Variants in TMEM178B observed in about 807,000 individuals in gnomAD.
TMEM178B encodes transmembrane protein 178B.
TMEM178B carries 5 observed loss-of-function variants against 31.0 expected under a neutral mutation model. The ratio of observed to expected loss-of-function variants is 0.16; its 90% CI spans 0.08 to 0.34. The LOEUF (loss-of-function observed/expected upper bound fraction) is 0.34. Ranked by LOEUF, TMEM178B falls within the 10% of genes least tolerant of loss-of-function variation. The pLI is 1.00. For synonymous variants in TMEM178B, 164 were observed against 164.0 expected (o/e 1.00, Z 0.00); for missense variants, 275 against 400.3 (o/e 0.69, Z 2.67).
At chr7:141,402,923 AC>A (rs1440501830) in intron 2 of TMEM178B, among the ~76,000 whole-genome samples, 2 of 152,206 alleles carry the variant, frequency 1.3e-5, no homozygotes, top group African/African-American at 4.8e-5. Context: ...ATAAAGAGGA[AC>A]CTACTGCCCT....
At chr7:141,480,568 G>C (rs112311169), downstream of TMEM178B, among the ~76,000 whole-genome samples, 28 of 152,324 alleles carry the variant, frequency 1.8e-4, 1 homozygote, top group African/African-American at 6.7e-4. Context: ...GAAGGCCAAA[G>C]GTACATGCTT....
At chr7:141,482,377 G>A (rs926905088), downstream of TMEM178B, among the ~76,000 whole-genome samples, 2 of 152,212 alleles carry the variant, frequency 1.3e-5, no homozygotes, top group African/African-American at 4.8e-5. Context: ...CTCTCATGGT[G>A]CTTAGCACCT....
intron 2 of TMEM178B, among the ~76,000 whole-genome samples, chr7:141,224,059 A>G (rs1015704604): frequency 1.3e-5 from 2 of 152,138 alleles, no homozygotes; most frequent in African/African-American, 4.8e-5. Flanking sequence ...ATTGTAGTGA[A>G]TAAGTCTCAC....
At chr7:141,451,931 G>A (rs996494377) in intron 3 of TMEM178B, among the ~76,000 whole-genome samples, 1 of 152,142 alleles carries the variant, frequency 6.6e-6, no homozygotes, top group Non-Finnish European at 1.5e-5. Flanking sequence ...CCTGTCACCT[G>A]TCCTTGACCG....
In TMEM178B at chr7:141,349,644, A is replaced by G. The variant is rs142156776; in HGVS notation, c.497-87964A>G. ...CAATTATCTGTTATGGCAGAAGGCA[A>G]TCGTTTCATGGAACAAAGGAAAGAT... On this transcript the variant is annotated intron_variant, in intron 2 of 3. Coordinates refer to ENST00000565468, the MANE Select transcript of TMEM178B (RefSeq NM_001195278.2). 1.3e-3 allele frequency among the ~76,000 whole-genome samples: 199 copies of G among 152,360 alleles called. 1 individual carries two copies. Among genetic ancestry groups the G allele is most frequent in the African/African-American group, 4.6e-3 (193 of 41,586 alleles).
chr7:141,214,940 C>T (rs1022024612), intron 2 of TMEM178B, among the ~76,000 whole-genome samples: 2 of 152,020 alleles, frequency 1.3e-5, no homozygotes, highest in African/African-American at 4.8e-5. Flanking sequence ...TTCACAAAGC[C>T]GCCTAATGGG....
At chr7:141,433,787 C>G (rs1212668288) in intron 2 of TMEM178B, among the ~76,000 whole-genome samples, 1 of 152,142 alleles carries the variant, frequency 6.6e-6, no homozygotes, top group Admixed American at 6.5e-5. Context: ...TTGCAGCTTC[C>G]CTGAGTTACC....
intron 1 of TMEM178B, among the ~76,000 whole-genome samples, chr7:141,100,850 C>T (rs1707225841): frequency 6.6e-6 from 1 of 152,092 alleles, no homozygotes; most frequent in Admixed American, 6.6e-5. Flanking sequence ...AGAGGCATTC[C>T]AAATGTCTTC....
intron 2 of TMEM178B, among the ~76,000 whole-genome samples, chr7:141,396,452 G>A (rs375187982): frequency 6.6e-6 from 1 of 152,162 alleles, no homozygotes; most frequent in Non-Finnish European, 1.5e-5. Context: ...GGCATTTGCC[G>A]CCTTGAAGGT....
intron 2 of TMEM178B, among the ~76,000 whole-genome samples, chr7:141,226,441 C>T (rs1797343085): frequency 6.6e-6 from 1 of 152,166 alleles, no homozygotes; most frequent in African/African-American, 2.4e-5. Context: ...GAGATCTTTT[C>T]ATTTTCAGGA....
At chr7:141,254,409 C>T (rs1797889317) in intron 2 of TMEM178B, among the ~76,000 whole-genome samples, 1 of 152,154 alleles carries the variant, frequency 6.6e-6, no homozygotes, top group Admixed American at 6.5e-5. Context: ...TTCCTTCTCA[C>T]TTGAAATTAA....
chr7:141,305,607 G>A (rs1446574856), intron 2 of TMEM178B, among the ~76,000 whole-genome samples: 4 of 151,822 alleles, frequency 2.6e-5, no homozygotes, highest in Non-Finnish European at 5.9e-5. Context: ...TTTGTATTTT[G>A]TATTTTTAGT....
intron 2 of TMEM178B, among the ~76,000 whole-genome samples, chr7:141,313,329 T>C (rs1351362381): frequency 6.6e-6 from 1 of 152,148 alleles, no homozygotes; most frequent in Admixed American, 6.5e-5. Flanking sequence ...ACTTCCCCTT[T>C]CCCTGCTCTT....
chr7:141,360,781 A>G (rs769295740), intron 2 of TMEM178B, among the ~76,000 whole-genome samples: 30 of 152,192 alleles, frequency 2.0e-4, no homozygotes, highest in Non-Finnish European at 4.0e-4. Context: ...TGTGATTTCC[A>G]TCTGGGATTT....
At chr7:141,228,039 T>TACACAC (rs71853516) in intron 2 of TMEM178B, among the ~76,000 whole-genome samples, 5 of 150,240 alleles carry the variant, frequency 3.3e-5, no homozygotes, top group African/African-American at 1.2e-4. Flanking sequence ...AAGGTGTGTG[T>TACACAC]ACACACACAC....
intron 2 of TMEM178B, among the ~76,000 whole-genome samples, chr7:141,319,738 A>G (rs1799066576): frequency 6.6e-6 from 1 of 152,126 alleles, no homozygotes; most frequent in Non-Finnish European, 1.5e-5. Context: ...GGGTTTCACC[A>G]TGTTGGCCAG....
intron 2 of TMEM178B, among the ~76,000 whole-genome samples, chr7:141,412,368 C>A (rs1001103676): frequency 6.6e-5 from 10 of 152,124 alleles, no homozygotes; most frequent in African/African-American, 2.4e-4. Flanking sequence ...CTGATTCAAC[C>A]TCATCCAGAT....
chr7:141,412,926 G>A (rs1193108807), intron 2 of TMEM178B, among the ~76,000 whole-genome samples: 1 of 152,186 alleles, frequency 6.6e-6, no homozygotes, highest in African/African-American at 2.4e-5. Context: ...CAAGAGTCTC[G>A]ATTTCTAGTT....
chr7:141,214,384 T>C (rs1056842316), intron 2 of TMEM178B, among the ~76,000 whole-genome samples: 1 of 152,184 alleles, frequency 6.6e-6, no homozygotes, highest in Non-Finnish European at 1.5e-5. Context: ...CAGAGGGCTC[T>C]TTAGGGAGCT....
Sources: gnomAD v4.1 joint callset for allele counts (sites outside exome capture counted in the v4.1 genomes callset) on GRCh38, gnomAD v4.1.1 for gene constraint, MANE v1.5 for transcripts, NCBI Gene and HGNC (gene_info 2026-07-23, HGNC 2026-07-21) for gene names.